PCED1B: variants seen among roughly 807,000 people sequenced by gnomAD.
The protein encoded by PCED1B is PC-esterase domain-containing protein 1B.
For synonymous variants in PCED1B, 251 were observed against 246.1 expected (o/e 1.02, Z -0.19); for missense variants, 573 against 573.9 (o/e 1.00, Z 0.02).
At chr12:47,222,283 G>A (rs113239957) in intron 3 of PCED1B, among the ~76,000 whole-genome samples, 11,911 of 151,652 alleles carry the variant, frequency 0.079, 543 homozygotes, top group Non-Finnish European at 0.098. Flanking sequence ...TTAGCCGGGC[G>A]TGGTAGCACG....
intron 2 of PCED1B, among the ~76,000 whole-genome samples, chr12:47,182,588 C>G (rs1942128905): frequency 7.4e-6 from 1 of 135,438 alleles, no homozygotes; most frequent in Admixed American, 7.3e-5. Context: ...GAGACTCCAT[C>G]TCAAAAAAAA....
At position 47,177,902 on chromosome 12, in the gene PCED1B, G is replaced by A. The variant is rs187477971; in HGVS notation, c.-525-38320G>A. Among the ~76,000 whole-genome samples, 13 of 152,180 alleles carry A rather than the reference G, an allele frequency of 8.5e-5. No individual in the cohort carries two copies. The East Asian group carries it at 1.9e-3, about 23-fold the overall frequency. ...GTGGAGGTTGCGGTGAGCCGAGATC[G>A]TGTCACTGCACTCCAGCCTGGGTGA... On this transcript the variant is annotated intron_variant, in intron 2 of 3. Coordinates refer to ENST00000546455, the MANE Select transcript of PCED1B (RefSeq NM_138371.3).
intron 1 of PCED1B, among the ~76,000 whole-genome samples, chr12:47,091,251 ATTTTATTATGG>A (rs1414420539): frequency 6.6e-6 from 1 of 152,010 alleles, no homozygotes; most frequent in East Asian, 1.9e-4. Context: ...AGCAAGTGTT[ATTTTATTATGG>A]TTTTATGTTA....
At position 47,195,058 on chromosome 12, in the gene PCED1B, G is replaced by A. The variant is rs146447103; in HGVS notation, c.-525-21164G>A. Among the ~76,000 whole-genome samples, 1,438 of 152,274 alleles carry A rather than the reference G, an allele frequency of 9.4e-3. 16 individuals are homozygous for A. Among genetic ancestry groups the A allele is most frequent in the African/African-American group, 0.032 (1,350 of 41,552 alleles). On this transcript the variant is annotated intron_variant, in intron 2 of 3. Coordinates refer to ENST00000546455, the MANE Select transcript of PCED1B (RefSeq NM_138371.3). ...AAATATTTCTAAAAGTAGGCCGGGC[G>A]CGGTGGCTCACGCCTATAATCCCAG...
chr12:47,173,252 T>C (rs1055965108), intron 2 of PCED1B, among the ~76,000 whole-genome samples: 1 of 152,188 alleles, frequency 6.6e-6, no homozygotes, highest in Admixed American at 6.5e-5. Context: ...GAATCATTTA[T>C]CTCCTGTATG....
chr12:47,104,180 T>C lies in PCED1B; in HGVS notation c.-541T>C, dbSNP rs1442324032. ...AAAGTCAGGGGAGTGTTGAAGACTC[T>C]GCCTCCTACAAATATGTGAGTTTTT... is the stretch of plus-strand genomic sequence containing the variant. On this transcript the variant is annotated 5_prime_UTR_variant, in exon 2 of 4. Transcript: ENST00000546455. 1.4e-5 allele frequency: 2 copies of C among 148,038 alleles called. No homozygotes were observed. Among genetic ancestry groups the C allele is most frequent in the African/African-American group, 4.9e-5 (2 of 40,484 alleles). The allele number at this position is 148,038 out of a possible 1,614,324, so 9.2% of individuals were successfully genotyped here. A position where few individuals can be genotyped will look rare whatever the true frequency, so the allele number is the denominator to read the frequency against.
intron 1 of PCED1B, among the ~76,000 whole-genome samples, chr12:47,090,050 G>T (rs1176408378): frequency 6.6e-6 from 1 of 152,196 alleles, no homozygotes; most frequent in Non-Finnish European, 1.5e-5. Context: ...TGGGATTACA[G>T]GCGTGAGCCA....
intron 2 of PCED1B, among the ~76,000 whole-genome samples, chr12:47,151,296 G>A (rs568519919): frequency 1.4e-4 from 21 of 152,052 alleles, no homozygotes; most frequent in Non-Finnish European, 1.6e-4. Context: ...AGATACGAAA[G>A]TACTTTACCA....
intron 2 of PCED1B, among the ~76,000 whole-genome samples, chr12:47,110,855 G>A (rs766329996): frequency 3.9e-5 from 6 of 152,150 alleles, no homozygotes; most frequent in East Asian, 3.8e-4. Flanking sequence ...TTGGTCCAAC[G>A]TGAAGTTTGA....
intron 2 of PCED1B, among the ~76,000 whole-genome samples, chr12:47,172,340 C>CTTTTTTTTT (rs34230051): frequency 3.8e-5 from 3 of 78,352 alleles, no homozygotes; most frequent in African/African-American, 9.6e-5. Flanking sequence ...TCGTGGGTTG[C>CTTTTTTTTT]TTTTTTTTTT....
intron 2 of PCED1B, among the ~76,000 whole-genome samples, chr12:47,133,325 G>T (rs1349224116): frequency 1.3e-5 from 2 of 152,182 alleles, no homozygotes; most frequent in Non-Finnish European, 2.9e-5. Context: ...CCCTATCCTA[G>T]AAGGATTTGA....
chr12:47,154,133 C>T (rs1400931172), intron 2 of PCED1B, among the ~76,000 whole-genome samples: 1 of 152,146 alleles, frequency 6.6e-6, no homozygotes, highest in African/African-American at 2.4e-5. Context: ...ACCCAGGAAA[C>T]GCGTATCTTC....
At position 47,235,505 on chromosome 12, in the gene PCED1B, C is replaced by T; in HGVS notation, c.442C>T (p.Gln148Ter). The change falls in exon 4 of 4, where the codon CAG (glutamine) becomes TAG (stop). Residue 148 changes from glutamine (Q) to a stop codon, truncating the protein, a stop_gained. Coordinates refer to ENST00000546455, the MANE Select transcript of PCED1B (RefSeq NM_138371.3). LOFTEE classifies it low-confidence loss of function (END_TRUNC). Reference protein sequence around the residue: ...SYLENLENLFQCLGQVLPESC... With the variant: ...SYLENLENLF Reference sequence around the variant, plus strand: ...CCTGGAGAACCTGGAGAACCTGTTCCAGTGCCTGGGCCAGGTGCTGCCCGA... The same window carrying T: ...CCTGGAGAACCTGGAGAACCTGTTCTAGTGCCTGGGCCAGGTGCTGCCCGA... 1 of 1,612,940 alleles carries T rather than the reference C, an allele frequency of 6.2e-7. No individual in the cohort carries two copies. The highest frequency in any genetic ancestry group is 8.5e-7 in the Non-Finnish European group (1 of 1,179,274).
At chr12:47,163,388 T>C (rs1941449780) in intron 2 of PCED1B, among the ~76,000 whole-genome samples, 1 of 152,222 alleles carries the variant, frequency 6.6e-6, no homozygotes. Context: ...CTTTCTGATT[T>C]GGATGTCTTT....
At chr12:47,129,288 C>A (rs911190539) in intron 2 of PCED1B, among the ~76,000 whole-genome samples, 1 of 152,044 alleles carries the variant, frequency 6.6e-6, no homozygotes, top group Non-Finnish European at 1.5e-5. Flanking sequence ...ACCTGGGCAA[C>A]ATGGTGAAAC....
At chr12:47,100,346 G>T (rs727363) in intron 1 of PCED1B, among the ~76,000 whole-genome samples, 61,441 of 151,960 alleles carry the variant, frequency 0.4, 12,799 homozygotes, top group East Asian at 0.63. Flanking sequence ...CAATTTTACA[G>T]CATGAGTCAT....
chr12:47,122,721 A>G (rs1335851025), intron 2 of PCED1B, among the ~76,000 whole-genome samples: 1 of 152,220 alleles, frequency 6.6e-6, no homozygotes, highest in Non-Finnish European at 1.5e-5. Flanking sequence ...TTGAAGATGG[A>G]TACAAACCTT....
chr12:47,088,617 A>C (rs887080401), intron 1 of PCED1B, among the ~76,000 whole-genome samples: 1 of 152,214 alleles, frequency 6.6e-6, no homozygotes, highest in African/African-American at 2.4e-5. Flanking sequence ...CTTTCTCCAG[A>C]GAGCAGTTTT....
chr12:47,103,900 A>T (rs1938830463), intron 1 of PCED1B, among the ~76,000 whole-genome samples: 1 of 152,314 alleles, frequency 6.6e-6, no homozygotes, highest in East Asian at 1.9e-4. Flanking sequence ...TTGCTCCATT[A>T]TGTGACTTTA....
Sources: gnomAD v4.1 joint callset for allele counts (sites outside exome capture counted in the v4.1 genomes callset) on GRCh38, gnomAD v4.1.1 for gene constraint, MANE v1.5 for transcripts, NCBI Gene and HGNC (gene_info 2026-07-23, HGNC 2026-07-21) for gene names.